The following TBK1 variants were observed in gnomAD, a reference collection of about 807,000 sequenced individuals.
The protein encoded by TBK1 is serine/threonine-protein kinase TBK1.
TBK1 carries 37 observed loss-of-function variants against 99.9 expected under a neutral mutation model. The ratio of observed to expected loss-of-function variants is 0.37; its 90% CI spans 0.28 to 0.49. The LOEUF (loss-of-function observed/expected upper bound fraction) is 0.49, where lower values mean the gene tolerates loss of function less well. Among genes scored for constraint, TBK1 ranks in the 20% least tolerant of loss-of-function variants. The pLI, the probability that TBK1 is intolerant of heterozygous loss-of-function variation, is 0.98. For missense variants in TBK1, 644 were observed against 872.5 expected, an observed-to-expected ratio of 0.74 and a Z score of 3.30; for synonymous variants, 258 against 279.8, an observed-to-expected ratio of 0.92 and a Z score of 0.78.
intron 12 of TBK1, among the ~76,000 whole-genome samples, 165 bp from the exon 13 acceptor site, chr12:64,489,876 G>A (rs764859967): frequency 8.6e-5 from 13 of 151,234 alleles, no homozygotes; most frequent in East Asian, 1.9e-4. Context: ...GCACCTGGCC[G>A]GCATCAGGTT....
chr12:64,490,779 G>C (rs1176337313), intron 13 of TBK1, among the ~76,000 whole-genome samples: 1 of 151,956 alleles, frequency 6.6e-6, no homozygotes, highest in Non-Finnish European at 1.5e-5. Flanking sequence ...GTCATTAGCT[G>C]CGTGTGGTGG....
At chr12:64,452,950 A>G (rs567074048) in intron 1 of TBK1, 1 of 152,364 alleles carries the variant, frequency 6.6e-6, no homozygotes, top group South Asian at 2.1e-4. Flanking sequence ...GGCAGAGTTT[A>G]GAAATCCTGG....
intron 3 of TBK1, among the ~76,000 whole-genome samples, chr12:64,463,589 A>G (rs2040571557): frequency 6.6e-6 from 1 of 150,742 alleles, no homozygotes; most frequent in African/African-American, 2.4e-5. Context: ...AATCCCAGCT[A>G]CTTGGGAGCT....
intron 8 of TBK1, 68 bp downstream of exon 8, chr12:64,482,089 A>G (rs535539477): frequency 2.0e-4 from 226 of 1,140,800 alleles, no homozygotes; most frequent in Non-Finnish European, 2.5e-4. Flanking sequence ...AGTTAGGAAA[A>G]GAAATAGAAA....
chr12:64,476,054 C>A (rs565161923), intron 6 of TBK1, among the ~76,000 whole-genome samples: 3 of 149,938 alleles, frequency 2.0e-5, no homozygotes, highest in Non-Finnish European at 4.4e-5. Context: ...TATAGCCATT[C>A]TGACTGGCGT....
intron 1 of TBK1, among the ~76,000 whole-genome samples, chr12:64,453,741 G>GTTAT: frequency 6.6e-6 from 1 of 152,084 alleles, no homozygotes; most frequent in Admixed American, 6.5e-5. Context: ...GGGCATGGTG[G>GTTAT]GACTAGTGTT....
chr12:64,457,571 T>A (rs2136054398), intron 2 of TBK1, among the ~76,000 whole-genome samples: 1 of 152,304 alleles, frequency 6.6e-6, no homozygotes, highest in East Asian at 1.9e-4. Flanking sequence ...TGCGGTTAGC[T>A]ATACTGCACA....
At position 64,471,903 on chromosome 12, in the gene TBK1, G is replaced by A. The variant is rs1299183396; in HGVS notation, c.541-2327G>A. Among the ~76,000 whole-genome samples, 7 of 152,192 alleles carry A rather than the reference G, an allele frequency of 4.6e-5. No homozygotes were observed. In the South Asian group the frequency reaches 8.3e-4, roughly 18 times the overall value. The stretch of plus-strand genomic sequence containing the variant: ...CAATTAGGCAGTATATTATTGCACC[G>A]TGTGAGGAGGTCCGTCTTTGTCTCC... On this transcript the variant is annotated intron_variant, in intron 5 of 20. Transcript: ENST00000331710.
chr12:64,463,940 T>G (rs890752125), intron 3 of TBK1, among the ~76,000 whole-genome samples: 4 of 151,384 alleles, frequency 2.6e-5, no homozygotes, highest in Non-Finnish European at 5.9e-5. Context: ...CTCGGCTCAC[T>G]GCAACTTCCG....
rs536542559 is a variant in TBK1, at chr12:64,492,381, A to C, written c.1521+2262A>C. Among the ~76,000 whole-genome samples the C allele has an allele frequency of 9.8e-5, 15 of 152,322 alleles. No homozygotes were observed. The East Asian group carries it at 2.9e-3, about 29-fold the overall frequency. ...GAGTGCAGTGGCGCGATCTTGGCTC[A>C]CTGCAGCCTCCGCCTCCTGGGTTCA... On this transcript the variant is annotated intron_variant, in intron 13 of 20. Transcript: ENST00000331710.
rs971063849 is a variant in TBK1 at position 64,497,273 on chromosome 12, T to C, written c.1959+14T>C. 3.3e-6 allele frequency: 5 copies of C among 1,497,338 alleles called. No homozygotes were observed. Among genetic ancestry groups the C allele is most frequent in the Admixed American group, 2.3e-5 (1 of 43,922 alleles). The allele number at this position is 1,497,338 out of a possible 1,614,324, so 92.8% of individuals were successfully genotyped here. On this transcript the variant is annotated intron_variant, in intron 18 of 20. Transcript: ENST00000331710. ...TATACTAATGAGGTAGGTACAGCTG[T>C]CAAGGAAAAATTAAAATTCTTCTCA...
chr12:64,497,133 G>A (rs1432402280), intron 17 of TBK1, 30 bp from the exon 18 acceptor site: 3 of 1,580,090 alleles, frequency 1.9e-6, no homozygotes, highest in East Asian at 2.3e-5. Flanking sequence ...TCACTAGACT[G>A]CATATCAATT....
Position 64,496,540 on chromosome 12 carries a change from C to A in TBK1, c.1760+134C>A, listed in dbSNP as rs77512797. On this transcript the variant is annotated intron_variant, in intron 16 of 20. Coordinates refer to ENST00000331710, the MANE Select transcript of TBK1 (RefSeq NM_013254.4). ...TAATCTTGATTTTACAGGATTGTTA[C>A]AATATGTAGACATTTTTGAGGTTCA... is the stretch of plus-strand genomic sequence containing the variant. 4,795 of 509,758 alleles carry A rather than the reference C, an allele frequency of 9.4e-3. 33 individuals are homozygous for A. The highest frequency in any genetic ancestry group is 0.013 in the Non-Finnish European group (4,013 of 302,818). The allele number at this position is 509,758 out of a possible 1,614,324, so 31.6% of individuals were successfully genotyped here.
intron 3 of TBK1, among the ~76,000 whole-genome samples, 166 bp downstream of exon 3, chr12:64,460,495 TATC>T (rs1247114723): frequency 2.0e-5 from 3 of 151,944 alleles, no homozygotes; most frequent in Non-Finnish European, 4.4e-5. Flanking sequence ...AGAAATAAAA[TATC>T]ATAAAAATGG....
chr12:64,482,105 C>A, intron 8 of TBK1, 84 bp downstream of exon 8: 1 of 972,366 alleles, frequency 1.0e-6, no homozygotes, highest in Non-Finnish European at 1.4e-6. Flanking sequence ...AGAAAAGATG[C>A]CTCAGCTTCA....
chr12:64,474,490 T>A, intron 6 of TBK1, 100 bp downstream of exon 6: 1 of 1,166,382 alleles, frequency 8.6e-7, no homozygotes, highest in Non-Finnish European at 1.2e-6. Context: ...AAAATTGATT[T>A]AACAATCATT....
chr12:64,468,976 C>T (rs1441608128), intron 5 of TBK1, among the ~76,000 whole-genome samples: 1 of 151,980 alleles, frequency 6.6e-6, no homozygotes, highest in East Asian at 1.9e-4. Context: ...TCAGTCTAGC[C>T]TACTGCATCA....
At position 64,452,303 on chromosome 12, in the gene TBK1, C is replaced by CAGAGCG. The variant is rs1246241990; in HGVS notation, c.-32+117_-32+122dup. On this transcript the variant is annotated intron_variant, in intron 1 of 20. Transcript: ENST00000331710. ...CCTGTGGGAGGCTGGGATGCTGAGT[C>CAGAGCG]AGAGCGGGGGCGGGGGCGGGCGCAC... 2.6e-5 allele frequency: 4 copies of CAGAGCG among 152,654 alleles called. No homozygotes were observed. The East Asian group carries it at 7.8e-4, about 30-fold the overall frequency. 9.5% of individuals were successfully genotyped at this position (152,654 alleles called of 1,614,324 possible).
At chr12:64,487,327 C>G (rs1022180497) in intron 11 of TBK1, among the ~76,000 whole-genome samples, 1 of 152,210 alleles carries the variant, frequency 6.6e-6, no homozygotes. Context: ...TGCCCTTGGA[C>G]TGTAATGCTT....
Sources: allele counts gnomAD v4.1 joint callset (sites outside exome capture counted in the v4.1 genomes callset), GRCh38; gene constraint gnomAD v4.1.1; transcripts MANE v1.5; gene names NCBI Gene and HGNC (gene_info 2026-07-23, HGNC 2026-07-21).